Variants in STARD3 observed in about 807,000 individuals in gnomAD.
STARD3 encodes StAR related lipid transfer domain containing 3.
STARD3 carries 39 observed loss-of-function variants against 62.0 expected under a neutral mutation model. That is an observed-to-expected ratio of 0.63 (90% confidence interval 0.49 to 0.82). The LOEUF is 0.82. Among genes scored for constraint, STARD3 ranks in the 40% least tolerant of loss-of-function variants. STARD3 has a pLI of 0.00. For missense variants in STARD3, 543 were observed against 584.5 expected, an observed-to-expected ratio of 0.93 and a Z score of 0.73; for synonymous variants, 229 against 242.4, an observed-to-expected ratio of 0.94 and a Z score of 0.51.
In STARD3 at chr17:39,657,969, G is replaced by A. The variant is rs780790447; in HGVS notation, c.376-4G>A. The stretch of plus-strand genomic sequence containing the variant: ...TCCCCTTCCTCCCTCCCTCCCCTGG[G>A]CAGGTCACGACGCTGGTGTCCAGTG... On this transcript the variant is annotated splice_polypyrimidine_tract_variant and splice_region_variant and intron_variant, in intron 4 of 14. Transcript: ENST00000336308. 2.5e-6 allele frequency: 4 copies of A among 1,593,216 alleles called. No homozygotes were observed.
In STARD3 at chr17:39,661,565, T is replaced by C. The variant is rs190538050; in HGVS notation, c.1139+480T>C. 1.5e-3 allele frequency among the ~76,000 whole-genome samples: 236 copies of C among 152,358 alleles called. 4 individuals are homozygous for C. Among genetic ancestry groups the C allele is most frequent in the Admixed American group, 0.015 (228 of 15,308 alleles). On this transcript the variant is annotated intron_variant, in intron 13 of 14. Transcript: ENST00000336308. Reference sequence around the variant, plus strand: ...AAAGGGATTATGGCCTTCCCGCATCTGTGCCTGGGCTTCTGGAGTCTTCCC... The same window carrying C: ...AAAGGGATTATGGCCTTCCCGCATCCGTGCCTGGGCTTCTGGAGTCTTCCC...
chr17:39,649,604 C>T (rs752410204), intron 1 of STARD3, among the ~76,000 whole-genome samples: 2 of 152,192 alleles, frequency 1.3e-5, no homozygotes, highest in African/African-American at 2.4e-5. Context: ...TGGTAGCTCA[C>T]GCCTGTAATC....
intron 1 of STARD3, among the ~76,000 whole-genome samples, chr17:39,648,459 C>T (rs73308333): frequency 0.015 from 2,228 of 152,126 alleles, 60 homozygotes; most frequent in African/African-American, 0.052. Context: ...AGAGTGAGAT[C>T]CTCTCTTTAA....
At position 39,658,024 on chromosome 17, in the gene STARD3, G is replaced by C. The variant is rs939006988; in HGVS notation, c.427G>C (p.Glu143Gln). ...AFLIVKVILS[E>Q]LLSKGAFGYL... ...CCTCATTGTCAAGGTCATCCTCTCTGAGGTCAGTGGCTCAGGGTCTGGCCA... is the reference window on the plus strand; with the variant it reads ...CCTCATTGTCAAGGTCATCCTCTCTCAGGTCAGTGGCTCAGGGTCTGGCCA... The change falls in exon 5 of 15, where the codon GAG (glutamate) becomes CAG (glutamine). Residue 143 changes from glutamate (E) to glutamine (Q), a missense_variant and splice_region_variant. By Grantham distance (29) the Glu-to-Gln change is conservative. Transcript: ENST00000336308. 3.2e-6 allele frequency: 5 copies of C among 1,558,570 alleles called. No individual in the cohort carries two copies. Among genetic ancestry groups the C allele is most frequent in the Non-Finnish European group, 4.3e-6 (5 of 1,150,934 alleles).
At position 39,660,783 on chromosome 17, in the gene STARD3, C is replaced by T. The variant is rs773296023; in HGVS notation, c.955-27C>T. The T allele has an allele frequency of 2.6e-6, 4 of 1,556,160 alleles. No individual in the cohort carries two copies. In the South Asian group the frequency reaches 3.7e-5, roughly 14 times the overall value. ...TGGGGTTTTCCTGGGGCGACCTGTT[C>T]CAAAAGTCTCCGTTGACGGCCCTCA... On this transcript the variant is annotated intron_variant, in intron 11 of 14. Coordinates refer to ENST00000336308, the MANE Select transcript of STARD3 (RefSeq NM_006804.4). This position sits in a 1 kb window ranked among gnomAD's most constrained non-coding sequence, Gnocchi z 4.8.
At chr17:39,656,163 C>T (rs2057127782) in intron 2 of STARD3, among the ~76,000 whole-genome samples, 1 of 152,164 alleles carries the variant, frequency 6.6e-6, no homozygotes, top group South Asian at 2.1e-4. Flanking sequence ...TAACAAGCCC[C>T]CCCAGATTTG....
intron 1 of STARD3, 35 bp from the exon 2 acceptor site, chr17:39,653,446 A>G: frequency 7.2e-7 from 1 of 1,390,724 alleles, no homozygotes; most frequent in Non-Finnish European, 9.8e-7. Flanking sequence ...GGACAGGAGG[A>G]GTTTGACAGG....
At position 39,653,644 on chromosome 17, in the gene STARD3, C is replaced by T. The variant is rs774541743; in HGVS notation, c.113C>T (p.Pro38Leu). Residue 38 changes from proline (P) to leucine (L), a missense_variant, in exon 2 of 15, where the codon CCG becomes CTG. Physicochemically the swap from Pro to Leu is moderately conservative, Grantham distance 98. Transcript: ENST00000336308. ...CAGAGCCTCTCCTCGCACCTCCTTC[C>T]GCCGCCTGAGAAGCGAAGGGCCATC... Reference protein sequence around the residue: ...HSQSLSSHLLPPPEKRRAISD... With the variant: ...HSQSLSSHLLLPPEKRRAISD... The T allele has an allele frequency of 8.7e-6, 14 of 1,614,034 alleles. No individual in the cohort carries two copies. Among genetic ancestry groups the T allele is most frequent in the South Asian group, 5.5e-5 (5 of 91,090 alleles).
chr17:39,645,817 C>T (rs1453375037), intron 1 of STARD3, among the ~76,000 whole-genome samples: 3 of 148,676 alleles, frequency 2.0e-5, no homozygotes, highest in Admixed American at 6.8e-5. Flanking sequence ...ACTGACCAAG[C>T]GGTTACCATA....
chr17:39,658,586 C>G (rs962973885), intron 6 of STARD3, 64 bp downstream of exon 6: 29 of 1,568,270 alleles, frequency 1.8e-5, no homozygotes, highest in Non-Finnish European at 2.5e-5. Context: ...AGGGGAGTTG[C>G]GGGCATGAGA....
intron 1 of STARD3, among the ~76,000 whole-genome samples, chr17:39,646,247 C>T (rs767688807): frequency 1.3e-5 from 2 of 151,742 alleles, no homozygotes; most frequent in South Asian, 2.1e-4. Context: ...CCATTTTAAC[C>T]TTTTGTTTGT....
At chr17:39,659,907 A>G (rs2057176352) in intron 9 of STARD3, 6 of 535,132 alleles carry the variant, frequency 1.1e-5, no homozygotes, top group South Asian at 2.2e-5. Flanking sequence ...AGAGAGCAAC[A>G]TGCCCCAGTC....
At position 39,663,265 on chromosome 17, in the gene STARD3, G is replaced by A. The variant is rs116500012; in HGVS notation, c.*357G>A. On this transcript the variant is annotated 3_prime_UTR_variant, in exon 15 of 15. Transcript: ENST00000336308. ...GGCAGGGCAGGGCAGCCTGTCACCC[G>A]TGTGAAGATGAAGGGGCTCTTCATC... The A allele has an allele frequency of 5.8e-3, 2,302 of 398,016 alleles. 21 individuals are homozygous for A. Among genetic ancestry groups the A allele is most frequent in the African/African-American group, 0.028 (1,344 of 48,700 alleles). The allele number at this position is 398,016 out of a possible 1,614,324, so 24.7% of individuals were successfully genotyped here. A position where few individuals can be genotyped will look rare whatever the true frequency, so the allele number is the denominator to read the frequency against.
In STARD3 at chr17:39,657,024, G is replaced by C; in HGVS notation, c.236G>C (p.Arg79Pro). 2 of 1,614,090 alleles carry C rather than the reference G, an allele frequency of 1.2e-6. No homozygotes were observed. Among genetic ancestry groups the C allele is most frequent in the Non-Finnish European group, 1.7e-6 (2 of 1,179,992 alleles). Residue 79 changes from arginine (R) to proline (P), a missense_variant, in exon 3 of 15, where the codon CGT becomes CCT. By Grantham distance (103) the Arg-to-Pro change is moderately radical. Coordinates refer to ENST00000336308, the MANE Select transcript of STARD3 (RefSeq NM_006804.4). ...CTCTCACAGACCAACACAGGCATCC[G>C]TAAGAACTTGGAGCAGGAGATCATC... Reference protein sequence around the residue: ...IIELNTNTGIRKNLEQEIIQY... With the variant: ...IIELNTNTGIPKNLEQEIIQY...
In STARD3 at chr17:39,658,770, C is replaced by T; in HGVS notation, c.596C>T (p.Ser199Phe). 1 of 1,614,022 alleles carries T rather than the reference C, an allele frequency of 6.2e-7. No individual in the cohort carries two copies. Among genetic ancestry groups the T allele is most frequent in the Non-Finnish European group, 8.5e-7 (1 of 1,180,002 alleles). Residue 199 changes from serine to phenylalanine, a missense_variant, in exon 7 of 15, where the codon TCC becomes TTC. Coordinates refer to ENST00000336308, the MANE Select transcript of STARD3 (RefSeq NM_006804.4). ...GTTGCCCGTGGACCCCTGCTGTTCT[C>T]CGGTGCTCTGTCCGAGGGACAGTTC... ...VAVARGPLLF[S>F]GALSEGQFYS...
In STARD3 at chr17:39,663,090, C is replaced by A; in HGVS notation, c.*182C>A. ...GGCTGTGGGGTGGAGCACTGGACTC[C>A]GGGGCCCCACTGGCTGGAGGAAGTG... On this transcript the variant is annotated 3_prime_UTR_variant, in exon 15 of 15. Transcript: ENST00000336308. The A allele has an allele frequency of 1.7e-6, 1 of 572,818 alleles. No homozygotes were observed. The highest frequency in any genetic ancestry group is 2.9e-6 in the Non-Finnish European group (1 of 348,494). The allele number at this position is 572,818 out of a possible 1,614,324, so 35.5% of individuals were successfully genotyped here.
At chr17:39,641,233 A>T (rs112039691) in intron 1 of STARD3, among the ~76,000 whole-genome samples, 1,781 of 152,272 alleles carry the variant, frequency 0.012, 33 homozygotes, top group African/African-American at 0.04. Flanking sequence ...CTTACTAGAC[A>T]TGTACCGTGG....
At chr17:39,662,389 G>A (rs1243401063) in intron 14 of STARD3, 45 bp downstream of exon 14, 1 of 1,573,656 alleles carries the variant, frequency 6.4e-7, no homozygotes, top group African/African-American at 1.3e-5. Context: ...GGAGTGGAGG[G>A]GACCCTGCTG....
At position 39,660,302 on chromosome 17, in the gene STARD3, C is replaced by A. The variant is rs1233769302; in HGVS notation, c.858+29C>A. ...AGTGAGGGGAGCGGGTGTCCTGGAG[C>A]CCCAGACAGCACAGGAGGCTCCAGG... On this transcript the variant is annotated intron_variant, in intron 10 of 14. Coordinates refer to ENST00000336308, the MANE Select transcript of STARD3 (RefSeq NM_006804.4). The surrounding 1 kb of genome is among the most constrained non-coding windows in gnomAD (Gnocchi z 4.8). The A allele has an allele frequency of 1.2e-6, 2 of 1,613,688 alleles. No individual in the cohort carries two copies. The highest frequency in any genetic ancestry group is 1.3e-5 in the African/African-American group (1 of 75,034).
Sources: gnomAD v4.1 joint callset for allele counts (sites outside exome capture counted in the v4.1 genomes callset) on GRCh38, gnomAD v4.1.1 for gene constraint, Gnocchi (gnomAD v3.1) non-coding constraint, MANE v1.5 for transcripts, NCBI Gene and HGNC (gene_info 2026-07-23, HGNC 2026-07-21) for gene names.